The following FAT3 variants were observed in gnomAD, a reference collection of about 807,000 sequenced individuals.
FAT3 encodes protocadherin Fat 3.
In FAT3, 95 loss-of-function variants were observed where a neutral mutation model predicts 310.2. That is an observed-to-expected ratio of 0.31 (90% CI 0.26 to 0.36). The LOEUF is 0.36. Among genes scored for constraint, FAT3 ranks in the 10% least tolerant of loss-of-function variants. The probability of loss-of-function intolerance (pLI) is 1.00; values close to 1 mark genes in which losing one functional copy is unlikely to be tolerated. For missense variants in FAT3, 5,408 were observed against 5,715.6 expected (o/e 0.95, Z 1.74); for synonymous variants, 2,314 against 2,192.9 (o/e 1.06, Z -1.54).
At chr11:92,581,977 A>C (rs1228121506) in intron 3 of FAT3, among the ~76,000 whole-genome samples, 1 of 152,080 alleles carries the variant, frequency 6.6e-6, no homozygotes, top group African/African-American at 2.4e-5. Context: ...TAGACAGAGC[A>C]GCCCTAAGGG....
intron 2 of FAT3, among the ~76,000 whole-genome samples, chr11:92,480,079 C>T (rs959603450): frequency 3.9e-5 from 6 of 152,102 alleles, no homozygotes; most frequent in African/African-American, 1.4e-4. Context: ...TCCTGGCTAA[C>T]ACGGTGAAAC....
At chr11:92,521,048 T>C (rs1953664665) in intron 2 of FAT3, among the ~76,000 whole-genome samples, 1 of 152,126 alleles carries the variant, frequency 6.6e-6, no homozygotes, top group African/African-American at 2.4e-5. Flanking sequence ...ATATACCATC[T>C]TCCTGTTTGA....
chr11:92,677,549 G>A (rs1387651131), intron 3 of FAT3, among the ~76,000 whole-genome samples: 2 of 152,204 alleles, frequency 1.3e-5, no homozygotes, highest in African/African-American at 4.8e-5. Flanking sequence ...GAATACCTGA[G>A]AATAGGTAAT....
chr11:92,718,028 G>A (rs1417768386), intron 4 of FAT3, among the ~76,000 whole-genome samples: 1 of 152,134 alleles, frequency 6.6e-6, no homozygotes, highest in South Asian at 2.1e-4. Flanking sequence ...TTGGGTCTGG[G>A]CTGGCTTGGT....
intron 19 of FAT3, 30 bp downstream of exon 19, chr11:92,844,762 ACTC>A: frequency 6.8e-7 from 1 of 1,475,086 alleles, no homozygotes; most frequent in Non-Finnish European, 9.1e-7. Flanking sequence ...TTCCCTCTCA[ACTC>A]CTGAGATTGT....
intron 2 of FAT3, among the ~76,000 whole-genome samples, chr11:92,492,392 C>CT (rs1258363949): frequency 1.3e-5 from 2 of 151,946 alleles, no homozygotes; most frequent in African/African-American, 4.8e-5. Flanking sequence ...TTTAACCTCT[C>CT]TAAGATGCAA....
intron 3 of FAT3, among the ~76,000 whole-genome samples, chr11:92,677,062 T>C (rs1214941827): frequency 6.6e-6 from 1 of 152,222 alleles, no homozygotes; most frequent in Non-Finnish European, 1.5e-5. Context: ...AACTAGGTTA[T>C]TATTATCCCT....
chr11:92,420,040 A>C (rs964669625), intron 2 of FAT3, among the ~76,000 whole-genome samples: 12 of 152,218 alleles, frequency 7.9e-5, no homozygotes, highest in African/African-American at 2.9e-4. Context: ...GTAGGTGATT[A>C]TCAGAGCAAG....
chr11:92,726,713 A>G (rs1945012275), intron 4 of FAT3, among the ~76,000 whole-genome samples: 1 of 151,810 alleles, frequency 6.6e-6, no homozygotes, highest in Non-Finnish European at 1.5e-5. Context: ...AAAAACAGCT[A>G]AAGAAATCTG....
At chr11:92,478,851 A>G (rs892446860) in intron 2 of FAT3, among the ~76,000 whole-genome samples, 2 of 151,946 alleles carry the variant, frequency 1.3e-5, no homozygotes, top group African/African-American at 4.8e-5. Context: ...CTTGAACTCA[A>G]GTGATCCACC....
At chr11:92,592,722 A>T (rs1473542390) in intron 3 of FAT3, among the ~76,000 whole-genome samples, 2 of 152,166 alleles carry the variant, frequency 1.3e-5, no homozygotes, top group Non-Finnish European at 2.9e-5. Context: ...AAATTTGAGC[A>T]CTAATGGATA....
chr11:92,582,308 C>T (rs1938851273), intron 3 of FAT3, among the ~76,000 whole-genome samples: 1 of 151,874 alleles, frequency 6.6e-6, no homozygotes, highest in Non-Finnish European at 1.5e-5. Context: ...GAATGCAGTC[C>T]AGTAGGTTTC....
chr11:92,445,741 TG>T (rs897390530), intron 2 of FAT3, among the ~76,000 whole-genome samples: 2 of 152,056 alleles, frequency 1.3e-5, no homozygotes, highest in African/African-American at 2.4e-5. Context: ...TGTTCATTTT[TG>T]GGGGGGTGCA....
At chr11:92,452,875 G>GC (rs1406567085) in intron 2 of FAT3, among the ~76,000 whole-genome samples, 3 of 152,124 alleles carry the variant, frequency 2.0e-5, no homozygotes, top group African/African-American at 7.2e-5. Context: ...CTGGTCTCAA[G>GC]CAACCCTCCC....
Position 92,866,930 on chromosome 11 carries a change from C to A in FAT3, c.11848C>A (p.Leu3950Met). ...CCGGGCGCCCCTCTACTTCCAGACG[C>A]TGAGCACTGAGAGTAGCATCTACTT... ...RRRAPLYFQT[L>M]STESSIYFGA... Residue 3950 changes from leucine (L) to methionine (M), a missense_variant, in exon 22 of 28, where the codon CTG becomes ATG. This residue lies in a region of FAT3 where 4,588 missense variants were observed against 4,809.8 expected (regional missense o/e 0.95). Coordinates refer to ENST00000525166, the MANE Select transcript of FAT3 (RefSeq NM_001367949.2). 6.2e-7 allele frequency: 1 copy of A among 1,613,894 alleles called. No homozygotes were observed. Among genetic ancestry groups the A allele is most frequent in the Non-Finnish European group, 8.5e-7 (1 of 1,179,876 alleles).
chr11:92,627,438 CTT>C, intron 3 of FAT3, among the ~76,000 whole-genome samples: 1 of 152,174 alleles, frequency 6.6e-6, no homozygotes, highest in East Asian at 1.9e-4. Context: ...GGAAGGCAGT[CTT>C]TTGTGAAAGT....
intron 2 of FAT3, among the ~76,000 whole-genome samples, chr11:92,431,978 G>A (rs1312603080): frequency 6.6e-6 from 1 of 152,176 alleles, no homozygotes; most frequent in Non-Finnish European, 1.5e-5. Flanking sequence ...ACTTGGCAAT[G>A]CGGGCTCTTT....
At chr11:92,516,458 C>A (rs1953488156) in intron 2 of FAT3, among the ~76,000 whole-genome samples, 1 of 151,830 alleles carries the variant, frequency 6.6e-6, no homozygotes. Context: ...CTAAAAACAC[C>A]CAATAAACTA....
chr11:92,517,497 T>C (rs1953527004), intron 2 of FAT3, among the ~76,000 whole-genome samples: 1 of 152,156 alleles, frequency 6.6e-6, no homozygotes, highest in Non-Finnish European at 1.5e-5. Flanking sequence ...GATTTAAATA[T>C]AAGACCTAAA....
Sources: allele counts gnomAD v4.1 joint callset (sites outside exome capture counted in the v4.1 genomes callset), GRCh38; gene constraint gnomAD v4.1.1; regional missense constraint gnomAD v4.1.1; transcripts MANE v1.5; gene names NCBI Gene and HGNC (gene_info 2026-07-23, HGNC 2026-07-21).